SMC6: variants seen among roughly 807,000 people sequenced by gnomAD.
SMC6 encodes the protein structural maintenance of chromosomes 6, also known as structural maintenance of chromosomes protein 6.
SMC6 carries 79 observed loss-of-function variants against 142.2 expected under a neutral mutation model. The ratio of observed to expected loss-of-function variants is 0.56; its 90% CI spans 0.46 to 0.67. The LOEUF (loss-of-function observed/expected upper bound fraction) is 0.67. SMC6 is among the 30% of genes least tolerant of loss of function. The pLI is 0.00. For missense variants in SMC6, 1,072 were observed against 1,284.0 expected (o/e 0.83, Z 2.52); for synonymous variants, 411 against 412.4 (o/e 1.00, Z 0.04).
At chr2:17,677,238 A>AT (rs1247133384) in intron 25 of SMC6, among the ~76,000 whole-genome samples, 3 of 152,142 alleles carry the variant, frequency 2.0e-5, no homozygotes, top group Non-Finnish European at 4.4e-5. Flanking sequence ...CCCTTTCCTT[A>AT]TATTAGGCTT....
rs1295828573 is a variant in SMC6 at position 17,726,446 on chromosome 2, T to C, written c.567A>G (p.Leu189=). The C allele has an allele frequency of 4.3e-6, 7 of 1,611,802 alleles. No homozygotes were observed. Among genetic ancestry groups the C allele is most frequent in the Non-Finnish European group, 5.9e-6 (7 of 1,179,410 alleles). The change falls in exon 8 of 28, where the codon TTA becomes TTG. Residue 189 remains leucine (L), a synonymous_variant. Transcript: ENST00000448223. ...AGAACTGCTTGCTCATTTCTTGTGT[T>C]AAAACAGAAACTGGATTATCCACCT... ...NIQVDNPVSV[L]TQEMSKQFLQ...
chr2:17,719,435 C>A (rs1184204210), intron 11 of SMC6, among the ~76,000 whole-genome samples: 1 of 152,098 alleles, frequency 6.6e-6, no homozygotes, highest in Admixed American at 6.5e-5. Flanking sequence ...ATAGTCTTTA[C>A]CCTCCAGAAA....
intron 25 of SMC6, among the ~76,000 whole-genome samples, chr2:17,677,979 A>C (rs1484794402): frequency 2.6e-5 from 4 of 152,202 alleles, no homozygotes; most frequent in Non-Finnish European, 4.4e-5. Context: ...GAATATTTAG[A>C]GTGGATAGTT....
At chr2:17,725,417 T>G (rs1019319158) in intron 8 of SMC6, 59 bp from the exon 9 acceptor site, 1 of 1,216,272 alleles carries the variant, frequency 8.2e-7, no homozygotes, top group African/African-American at 1.5e-5. Flanking sequence ...ATAGAACTGT[T>G]AAAAAGAAAA....
chr2:17,692,055 A>G (rs1667758839), intron 23 of SMC6, among the ~76,000 whole-genome samples: 1 of 152,218 alleles, frequency 6.6e-6, no homozygotes, highest in South Asian at 2.1e-4. Flanking sequence ...GAAATAAAAG[A>G]GGATACAAAC....
intron 23 of SMC6, among the ~76,000 whole-genome samples, chr2:17,694,516 T>C (rs1413477684): frequency 6.6e-6 from 1 of 152,192 alleles, no homozygotes; most frequent in Non-Finnish European, 1.5e-5. Flanking sequence ...TACCACTAAA[T>C]GCTTTTCAGA....
intron 23 of SMC6, among the ~76,000 whole-genome samples, 167 bp downstream of exon 23, chr2:17,694,985 G>A (rs1241328430): frequency 2.0e-5 from 3 of 146,884 alleles, no homozygotes; most frequent in Non-Finnish European, 3.0e-5. Flanking sequence ...GAAGAAAAAA[G>A]GTTACTATTT....
intron 25 of SMC6, among the ~76,000 whole-genome samples, chr2:17,674,133 T>C (rs1442625959): frequency 6.6e-6 from 1 of 152,172 alleles, no homozygotes; most frequent in Non-Finnish European, 1.5e-5. Context: ...TTTAGCATCC[T>C]GAGATAGAAC....
intron 18 of SMC6, among the ~76,000 whole-genome samples, chr2:17,704,749 A>G (rs909618852): frequency 9.9e-5 from 15 of 152,132 alleles, no homozygotes; most frequent in Admixed American, 8.5e-4. Context: ...CAACTGTGCT[A>G]CCTTGCTAGA....
At chr2:17,700,164 T>C (rs764369460) in intron 21 of SMC6, 44 bp downstream of exon 21, 1 of 1,407,794 alleles carries the variant, frequency 7.1e-7, no homozygotes, top group South Asian at 1.4e-5. Context: ...GATATAAAAC[T>C]AAAACATAAA....
In SMC6 at chr2:17,666,407, TTTAAAA is replaced by T; in HGVS notation, c.3161+7_3161+12del. On this transcript the variant is annotated splice_region_variant and intron_variant, in intron 27 of 27. Transcript: ENST00000448223. ...TATACTTGATATGTATCTAGAAAGT[TTTAAAA>T]AGTTACCTCATGCTTTGAGGTGTGA... The T allele has an allele frequency of 6.2e-7, 1 of 1,602,992 alleles. No individual in the cohort carries two copies. Among genetic ancestry groups the T allele is most frequent in the Non-Finnish European group, 8.5e-7 (1 of 1,171,852 alleles).
intron 4 of SMC6, among the ~76,000 whole-genome samples, chr2:17,739,466 G>A (rs1429537330): frequency 1.3e-5 from 2 of 151,984 alleles, no homozygotes; most frequent in Non-Finnish European, 2.9e-5. Flanking sequence ...CCAACATAGT[G>A]AAACCCCATT....
chr2:17,720,951 C>T lies in SMC6; in HGVS notation c.934G>A (p.Glu312Lys), dbSNP rs1156427593. 1 of 1,612,950 alleles carries T rather than the reference C, an allele frequency of 6.2e-7. No individual in the cohort carries two copies. The highest frequency in any genetic ancestry group is 1.1e-5 in the South Asian group (1 of 91,034). Residue 312 changes from glutamate (E) to lysine (K), a missense_variant, in exon 11 of 28, where the codon GAA (glutamate) becomes AAA (lysine). Physicochemically the swap from Glu to Lys is moderately conservative, Grantham distance 56 (BLOSUM62 1). This residue lies in a region of SMC6 where 994 missense variants were observed against 1,153.2 expected (regional missense o/e 0.86). Coordinates refer to ENST00000448223, the MANE Select transcript of SMC6 (RefSeq NM_001142286.2). ...DRAARLDRKM[E>K]EQQVRLNEAE... ...AAAACTGTAATTACCTGCTGTTCTT[C>T]CATTTTCCTGTCAAGTCTAGCAGCA...
chr2:17,700,392 A>C lies in SMC6; in HGVS notation c.2224-14T>G. ...AGCTTCATCTTCCTGATAAAATTTA[A>C]ACAGCATATAAGGTTAATTAAAATA... is the stretch of plus-strand genomic sequence containing the variant. On this transcript the variant is annotated splice_polypyrimidine_tract_variant and intron_variant, in intron 20 of 27. Transcript: ENST00000448223. 1 of 1,579,080 alleles carries C rather than the reference A, an allele frequency of 6.3e-7. No homozygotes were observed. Among genetic ancestry groups the C allele is most frequent in the Non-Finnish European group, 8.6e-7 (1 of 1,163,204 alleles).
intron 3 of SMC6, among the ~76,000 whole-genome samples, 168 bp downstream of exon 3, chr2:17,745,658 AT>A (rs34477578): frequency 0.22 from 34,035 of 151,898 alleles, 4,995 homozygotes; most frequent in Middle Eastern, 0.42. Flanking sequence ...TTCTCTATTA[AT>A]TTTTCTAATA....
intron 25 of SMC6, among the ~76,000 whole-genome samples, chr2:17,678,006 C>T (rs1667076998): frequency 6.6e-6 from 1 of 151,988 alleles, no homozygotes; most frequent in African/African-American, 2.4e-5. Context: ...GACCTCCTGG[C>T]TACACATTTT....
chr2:17,714,819 A>G (rs374335432), intron 16 of SMC6, 42 bp downstream of exon 16: 55 of 1,584,520 alleles, frequency 3.5e-5, no homozygotes, highest in Non-Finnish European at 4.7e-5. Context: ...CTTGCATATG[A>G]TTAAGCAAAG....
chr2:17,690,611 A>C (rs936241497), intron 23 of SMC6, among the ~76,000 whole-genome samples: 8 of 151,980 alleles, frequency 5.3e-5, no homozygotes, highest in African/African-American at 1.9e-4. Context: ...AAACAAAAAA[A>C]CCAAAAAAAC....
chr2:17,670,797 A>G (rs949944203), intron 25 of SMC6, among the ~76,000 whole-genome samples: 5 of 152,200 alleles, frequency 3.3e-5, no homozygotes, highest in Admixed American at 6.5e-5. Context: ...AAAACTGAAA[A>G]CCTTTTTCAC....
Sources: gnomAD v4.1 joint callset for allele counts (sites outside exome capture counted in the v4.1 genomes callset) on GRCh38, gnomAD v4.1.1 for gene constraint, gnomAD v4.1.1 regional missense constraint, MANE v1.5 for transcripts, NCBI Gene and HGNC (gene_info 2026-07-23, HGNC 2026-07-21) for gene names.